The following GRK7 variants were observed in gnomAD, a reference collection of about 807,000 sequenced individuals.
GRK7 encodes the protein rhodopsin kinase GRK7.
GRK7 carries 24 observed loss-of-function variants against 34.1 expected under a neutral mutation model. The ratio of observed to expected loss-of-function variants is 0.70; its 90% confidence interval spans 0.51 to 0.99. The LOEUF is 0.99. Among genes scored for constraint, GRK7 ranks in the 50% least tolerant of loss-of-function variants. The pLI is 0.00. For missense variants in GRK7, 644 were observed against 707.3 expected (o/e 0.91, Z 1.02); for synonymous variants, 256 against 279.4 (o/e 0.92, Z 0.84).
rs773818685 is a variant in GRK7 at position 141,778,418 on chromosome 3, G to T, written c.134G>T (p.Cys45Phe). ...RSLALPGLQG[C>F]AELRQKLSLN... The stretch of plus-strand genomic sequence containing the variant: ...CTGGCCCTGCCCGGGCTGCAGGGCT[G>T]CGCGGAGCTCCGCCAGAAGCTGTCC... The change falls in exon 3 of 6, where the codon TGC becomes TTC. Residue 45 changes from cysteine (C) to phenylalanine (F), a missense_variant. Physicochemically the swap from Cys to Phe is radical, Grantham distance 205. Transcript: ENST00000682958. This position sits in a 1 kb window ranked among gnomAD's most constrained non-coding sequence, Gnocchi z 4.1. 6.2e-7 allele frequency: 1 copy of T among 1,612,762 alleles called. No individual in the cohort carries two copies. Among genetic ancestry groups the T allele is most frequent in the Non-Finnish European group, 8.5e-7 (1 of 1,179,794 alleles).
chr3:141,781,829 A>G (rs1391977844), intron 4 of GRK7, among the ~76,000 whole-genome samples: 1 of 152,246 alleles, frequency 6.6e-6, no homozygotes, highest in African/African-American at 2.4e-5. Context: ...TGAACGACGG[A>G]AAATCTCTGG....
At chr3:141,794,299 A>G (rs2084739374) in intron 4 of GRK7, among the ~76,000 whole-genome samples, 1 of 152,228 alleles carries the variant, frequency 6.6e-6, no homozygotes, top group African/African-American at 2.4e-5. Flanking sequence ...GGGCACTGGA[A>G]ACTGGCCTGG....
chr3:141,771,265 A>C (rs1285771778), intron 1 of GRK7, among the ~76,000 whole-genome samples: 1 of 152,218 alleles, frequency 6.6e-6, no homozygotes, highest in Non-Finnish European at 1.5e-5. Flanking sequence ...CTACTCAGCC[A>C]TAAAAAAGAA....
chr3:141,808,849 G>C (rs1379894371), intron 5 of GRK7, among the ~76,000 whole-genome samples: 1 of 152,140 alleles, frequency 6.6e-6, no homozygotes, highest in Non-Finnish European at 1.5e-5. Flanking sequence ...TAACAACGTA[G>C]TGTGAATGTA....
At chr3:141,802,363 C>G (rs1710978272) in intron 4 of GRK7, among the ~76,000 whole-genome samples, 1 of 140,170 alleles carries the variant, frequency 7.1e-6, no homozygotes, top group Admixed American at 7.1e-5. Flanking sequence ...CTCTCTTTCT[C>G]TGTCACACAC....
rs1456892346 is a variant in GRK7, at chr3:141,764,847, A to G, written c.-1106A>G. Among the ~76,000 whole-genome samples, 1 of 152,114 alleles carries G rather than the reference A, an allele frequency of 6.6e-6. No homozygotes were observed. Among genetic ancestry groups the G allele is most frequent in the Non-Finnish European group, 1.5e-5 (1 of 68,012 alleles). ...CAGAGGATTTCCCACCCTGTTTACC[A>G]GAAATTCATCCTTCCAGTTACTCAG... On this transcript the variant is annotated 5_prime_UTR_variant, in exon 1 of 6. Transcript: ENST00000682958.
At chr3:141,753,339 A>G in the GRK7 span, among the ~76,000 whole-genome samples, 5 of 152,282 alleles carry the variant, frequency 3.3e-5, no homozygotes, top group African/African-American at 1.2e-4. Context: ...GTGGTGTTCT[A>G]TACAATTTTA....
intron 4 of GRK7, among the ~76,000 whole-genome samples, chr3:141,800,371 T>G (rs1448142390): frequency 2.9e-5 from 3 of 102,494 alleles, no homozygotes; most frequent in Non-Finnish European, 5.6e-5. Flanking sequence ...AAAGATCAAT[T>G]GTCATTTGTA....
At chr3:141,787,164 C>T in intron 4 of GRK7, among the ~76,000 whole-genome samples, 1 of 152,166 alleles carries the variant, frequency 6.6e-6, no homozygotes, top group Non-Finnish European at 1.5e-5. Flanking sequence ...GACCAAAGAG[C>T]CCTGCCATGC....
intron 5 of GRK7, among the ~76,000 whole-genome samples, chr3:141,808,809 CA>C (rs1285054673): frequency 6.6e-6 from 1 of 152,100 alleles, no homozygotes; most frequent in Admixed American, 6.6e-5. Flanking sequence ...TTCTGTTTTA[CA>C]AGATGAAGAG....
intron 5 of GRK7, among the ~76,000 whole-genome samples, chr3:141,816,132 G>GATA (rs985193187): frequency 6.6e-6 from 1 of 152,150 alleles, no homozygotes; most frequent in Non-Finnish European, 1.5e-5. Flanking sequence ...TGGAGGGTTT[G>GATA]ATAATAATAA....
At chr3:141,770,285 C>T (rs922260043) in intron 1 of GRK7, among the ~76,000 whole-genome samples, 6 of 152,186 alleles carry the variant, frequency 3.9e-5, no homozygotes, top group Non-Finnish European at 8.8e-5. Context: ...AAACCACTCA[C>T]TTTCCTATTA....
chr3:141,795,669 G>T (rs1458544280), intron 4 of GRK7, among the ~76,000 whole-genome samples: 1 of 152,164 alleles, frequency 6.6e-6, no homozygotes, highest in Non-Finnish European at 1.5e-5. Context: ...GCCAGGTGTG[G>T]TGGCTAATGC....
At chr3:141,804,650 T>G (rs529770631) in intron 4 of GRK7, among the ~76,000 whole-genome samples, 2 of 146,878 alleles carry the variant, frequency 1.4e-5, no homozygotes, top group South Asian at 4.4e-4. Flanking sequence ...CACATGCACA[T>G]ATACACACAC....
At chr3:141,815,078 T>A (rs1711137029) in intron 5 of GRK7, among the ~76,000 whole-genome samples, 1 of 151,898 alleles carries the variant, frequency 6.6e-6, no homozygotes, top group Non-Finnish European at 1.5e-5. Flanking sequence ...GCACACTCTG[T>A]CACACCTGTC....
At chr3:141,756,360 A>T in the GRK7 span, among the ~76,000 whole-genome samples, 1 of 133,724 alleles carries the variant, frequency 7.5e-6, no homozygotes, top group Non-Finnish European at 1.6e-5. Flanking sequence ...TGCAGGCGAC[A>T]GCCTGGCTGA....
chr3:141,794,791 A>G (rs1042820042), intron 4 of GRK7, among the ~76,000 whole-genome samples: 6 of 152,100 alleles, frequency 3.9e-5, no homozygotes, highest in African/African-American at 1.4e-4. Flanking sequence ...TTCAGAGTGA[A>G]TAGGCCTCAG....
At chr3:141,767,485 T>C (rs935943372) in intron 1 of GRK7, among the ~76,000 whole-genome samples, 4 of 151,866 alleles carry the variant, frequency 2.6e-5, no homozygotes, top group Non-Finnish European at 4.4e-5. Context: ...CACTCCAGCC[T>C]CCAGCCCCCA....
intron 1 of GRK7, among the ~76,000 whole-genome samples, chr3:141,772,700 T>TTTTGCATTA (rs1481838096): frequency 2.0e-5 from 3 of 152,212 alleles, no homozygotes; most frequent in African/African-American, 7.2e-5. Flanking sequence ...CAAAGGGTAA[T>TTTTGCATTA]GAAAGACCTG....
Sources: allele counts gnomAD v4.1 joint callset (sites outside exome capture counted in the v4.1 genomes callset), GRCh38; gene constraint gnomAD v4.1.1; non-coding constraint Gnocchi (gnomAD v3.1); transcripts MANE v1.5; gene names NCBI Gene and HGNC (gene_info 2026-07-23, HGNC 2026-07-21).